The following ZBTB20 variants were observed in gnomAD, a reference collection of about 807,000 sequenced individuals.
ZBTB20 encodes the protein zinc finger and BTB domain containing 20.
In ZBTB20, 9 loss-of-function variants were observed where a neutral mutation model predicts 56.9. That is an observed-to-expected ratio of 0.16 (90% CI 0.10 to 0.28). The LOEUF (loss-of-function observed/expected upper bound fraction) is 0.28, where lower values mean the gene tolerates loss of function less well. ZBTB20 is among the 10% of genes least tolerant of loss of function. The pLI, the probability that ZBTB20 is intolerant of heterozygous loss-of-function variation, is 1.00. For synonymous variants in ZBTB20, 417 were observed against 420.7 expected, an observed-to-expected ratio of 0.99 and a Z score of 0.11; for missense variants, 655 against 1,003.0, an observed-to-expected ratio of 0.65 and a Z score of 4.69.
intron 3 of ZBTB20, among the ~76,000 whole-genome samples, chr3:114,955,084 G>T (rs969922454): frequency 1.3e-5 from 2 of 152,132 alleles, no homozygotes; most frequent in Non-Finnish European, 2.9e-5. Flanking sequence ...GGGCACTACT[G>T]CCCCTATGGT....
chr3:114,793,567 T>C (rs1003478560), intron 5 of ZBTB20, among the ~76,000 whole-genome samples: 4 of 152,158 alleles, frequency 2.6e-5, no homozygotes, highest in Non-Finnish European at 4.4e-5. Context: ...CCAGCCATTA[T>C]GATATAATTA....
intron 10 of ZBTB20, among the ~76,000 whole-genome samples, chr3:114,376,221 A>G (rs2108493169): frequency 6.6e-6 from 1 of 152,338 alleles, no homozygotes; most frequent in Non-Finnish European, 1.5e-5. Flanking sequence ...CTGTAGTTAC[A>G]GGAAAAAAAT....
chr3:115,012,240 A>G (rs1315599307), intron 2 of ZBTB20, among the ~76,000 whole-genome samples: 1 of 151,822 alleles, frequency 6.6e-6, no homozygotes, highest in Non-Finnish European at 1.5e-5. Flanking sequence ...ATGTAAATGA[A>G]CTAAACTCTC....
At chr3:114,698,935 G>A (rs2063223496) in intron 5 of ZBTB20, among the ~76,000 whole-genome samples, 1 of 152,018 alleles carries the variant, frequency 6.6e-6, no homozygotes, top group Non-Finnish European at 1.5e-5. Flanking sequence ...ATGATGATGG[G>A]AGAAATATCT....
intron 3 of ZBTB20, among the ~76,000 whole-genome samples, chr3:114,963,862 C>T (rs1576438299): frequency 6.6e-6 from 1 of 152,150 alleles, no homozygotes; most frequent in East Asian, 1.9e-4. Context: ...AAAACAAACA[C>T]CTTGGCCTCA....
At chr3:114,924,980 C>CTTTTTTTTTTTTTT (rs578028983) in intron 3 of ZBTB20, among the ~76,000 whole-genome samples, 1 of 99,902 alleles carries the variant, frequency 1.0e-5, no homozygotes, top group African/African-American at 3.7e-5. Context: ...TTTGGTTCTT[C>CTTTTTTTTTTTTTT]TTTTTTTTTT....
intron 5 of ZBTB20, among the ~76,000 whole-genome samples, chr3:114,742,589 C>A (rs185869986): frequency 3.9e-5 from 6 of 152,142 alleles, no homozygotes; most frequent in African/African-American, 1.4e-4. Context: ...ATTTTACATA[C>A]GAGAAAACTA....
rs781707123 is a variant in ZBTB20, at chr3:115,096,846, G to A, written c.-702-25432C>T. The stretch of plus-strand genomic sequence containing the variant: ...ATGTAGTGCCAGATTTTATGAATAC[G>A]AGAATTTGTTAATTAGCACAAGGAC... On this transcript the variant is annotated intron_variant, in intron 1 of 11. Transcript: ENST00000675478. 2.6e-5 allele frequency among the ~76,000 whole-genome samples: 4 copies of A among 152,144 alleles called. No homozygotes were observed. The East Asian group carries it at 5.8e-4, about 22-fold the overall frequency.
At chr3:114,739,513 C>T (rs984494006) in intron 5 of ZBTB20, among the ~76,000 whole-genome samples, 4 of 152,182 alleles carry the variant, frequency 2.6e-5, no homozygotes, top group African/African-American at 9.7e-5. Flanking sequence ...TCAACCTGTG[C>T]AAAACTTTGA....
At chr3:114,539,484 G>C (rs1248239057) in intron 6 of ZBTB20, among the ~76,000 whole-genome samples, 1 of 152,014 alleles carries the variant, frequency 6.6e-6, no homozygotes, top group Non-Finnish European at 1.5e-5. Context: ...TAAGCAATGT[G>C]GTGTTATACC....
chr3:115,131,893 T>C (rs982795505), intron 1 of ZBTB20, among the ~76,000 whole-genome samples: 3 of 152,208 alleles, frequency 2.0e-5, no homozygotes, highest in Non-Finnish European at 4.4e-5. Flanking sequence ...TTGCCAATCA[T>C]TTCCACTGAT....
chr3:114,397,443 ATGTTCCCTTCG>A lies in ZBTB20; in HGVS notation c.-254-8349_-254-8339del, dbSNP rs1215172854. 2.1e-3 allele frequency among the ~76,000 whole-genome samples: 318 copies of A among 152,108 alleles called. 2 individuals carry two copies. Among genetic ancestry groups the A allele is most frequent in the African/African-American group, 7.2e-3 (299 of 41,498 alleles). On this transcript the variant is annotated intron_variant, in intron 7 of 11. Coordinates refer to ENST00000675478, the MANE Select transcript of ZBTB20 (RefSeq NM_001348800.3). Reference sequence around the variant, plus strand: ...ATTTCCTCAGGATATATCTTTTCCCATGTTCCCTTCGTATCTTGAAGGTTATTCTCTCTACT... The same window carrying A: ...ATTTCCTCAGGATATATCTTTTCCCATATCTTGAAGGTTATTCTCTCTACT...
At chr3:114,911,524 G>A (rs1055058962) in intron 3 of ZBTB20, among the ~76,000 whole-genome samples, 1 of 151,534 alleles carries the variant, frequency 6.6e-6, no homozygotes, top group Non-Finnish European at 1.5e-5. Context: ...AATATAATTA[G>A]GAAAATAATT....
chr3:114,513,304 A>G (rs2045616403), intron 6 of ZBTB20, among the ~76,000 whole-genome samples: 1 of 152,200 alleles, frequency 6.6e-6, no homozygotes, highest in Admixed American at 6.6e-5. Context: ...TACGTACATG[A>G]CACCAATCAA....
intron 6 of ZBTB20, among the ~76,000 whole-genome samples, chr3:114,544,985 ACT>A (rs1398571628): frequency 6.6e-6 from 1 of 152,108 alleles, no homozygotes; most frequent in African/African-American, 2.4e-5. Flanking sequence ...TCATGAAGAA[ACT>A]CTGTCAGAAA....
chr3:114,999,646 CTA>C (rs2079168033), intron 2 of ZBTB20, among the ~76,000 whole-genome samples: 1 of 151,520 alleles, frequency 6.6e-6, no homozygotes, highest in South Asian at 2.1e-4. Flanking sequence ...GAAAACAGTG[CTA>C]TATATTTGTT....
chr3:114,576,601 G>C (rs1390123131), intron 6 of ZBTB20, among the ~76,000 whole-genome samples: 7 of 146,298 alleles, frequency 4.8e-5, no homozygotes, highest in Non-Finnish European at 1.0e-4. Flanking sequence ...AGTGATAAGA[G>C]GAGACAGATG....
intron 5 of ZBTB20, among the ~76,000 whole-genome samples, chr3:114,769,824 C>T (rs58624879): frequency 0.034 from 5,193 of 151,804 alleles, 142 homozygotes; most frequent in African/African-American, 0.07. Flanking sequence ...TTTGGGAGGA[C>T]GAGGTGGGTG....
chr3:114,588,708 A>G (rs1050395285), intron 6 of ZBTB20, among the ~76,000 whole-genome samples: 1 of 152,166 alleles, frequency 6.6e-6, no homozygotes, highest in Non-Finnish European at 1.5e-5. Flanking sequence ...TGGTGCTCAC[A>G]GTGATCATTC....
Sources: gnomAD v4.1 joint callset for allele counts (sites outside exome capture counted in the v4.1 genomes callset) on GRCh38, gnomAD v4.1.1 for gene constraint, MANE v1.5 for transcripts, NCBI Gene and HGNC (gene_info 2026-07-23, HGNC 2026-07-21) for gene names.